The following MSH6 variants were observed in gnomAD, a reference collection of about 807,000 sequenced individuals.
MSH6 encodes the protein mutS homolog 6, also known as DNA mismatch repair protein Msh6.
A neutral mutation model predicts 119.1 loss-of-function variants in MSH6; 85 were observed. That is an observed-to-expected ratio of 0.71 (90% confidence interval 0.60 to 0.85). The LOEUF (loss-of-function observed/expected upper bound fraction) is 0.85, where lower values mean the gene tolerates loss of function less well. MSH6 is among the 40% of genes least tolerant of loss of function. The pLI, the probability that MSH6 is intolerant of heterozygous loss-of-function variation, is 0.00. For synonymous variants in MSH6, 830 were observed against 586.9 expected, an observed-to-expected ratio of 1.41 and a Z score of -5.99; for missense variants, 2,163 against 1,655.3, an observed-to-expected ratio of 1.31 and a Z score of -5.32.
At chr2:47,783,773 C>A in intron 1 of MSH6, 1 of 442,456 alleles carries the variant, frequency 2.3e-6, no homozygotes, top group African/African-American at 2.1e-5. Flanking sequence ...AGACGCGTCC[C>A]GCCAGGTGGG....
At chr2:47,805,134 G>A (rs1669895521) in intron 6 of MSH6, 107 bp downstream of exon 6, 5 of 812,432 alleles carry the variant, frequency 6.2e-6, no homozygotes, top group Non-Finnish European at 1.1e-5. Flanking sequence ...TGATTTTTCT[G>A]GTGTTACTTT....
At position 47,799,029 on chromosome 2, in the gene MSH6, A is replaced by G. The variant is rs869312797; in HGVS notation, c.1046A>G (p.Gln349Arg). 5 of 1,614,196 alleles carry G rather than the reference A, an allele frequency of 3.1e-6. No individual in the cohort carries two copies. The highest frequency in any genetic ancestry group is 4.2e-6 in the Non-Finnish European group (5 of 1,180,020). The change falls in exon 4 of 10, where the codon CAA becomes CGA. Residue 349 changes from glutamine to arginine, a missense_variant. Coordinates refer to ENST00000234420, the MANE Select transcript of MSH6 (RefSeq NM_000179.3). ...AFSAPQNSES[Q>R]AHVSGGGDDS... ...TCTGCCCCTCAAAATTCTGAATCCC[A>G]AGCCCACGTTAGTGGAGGTGGTGAT... is the stretch of plus-strand genomic sequence containing the variant.
At chr2:47,795,702 C>G (rs1669038484) in intron 2 of MSH6, among the ~76,000 whole-genome samples, 192 bp from the exon 3 acceptor site, 1 of 151,504 alleles carries the variant, frequency 6.6e-6, no homozygotes, top group South Asian at 2.1e-4. Context: ...AATTCCTGAC[C>G]TCAAGTAGTC....
chr2:47,791,326 G>A (rs1668719952), intron 2 of MSH6, among the ~76,000 whole-genome samples: 1 of 152,198 alleles, frequency 6.6e-6, no homozygotes, highest in African/African-American at 2.4e-5. Context: ...TTGTGGAATG[G>A]AATTTTTATT....
chr2:47,803,939 G>C (rs1447537944), intron 5 of MSH6, among the ~76,000 whole-genome samples: 3 of 152,172 alleles, frequency 2.0e-5, no homozygotes, highest in Non-Finnish European at 4.4e-5. Context: ...CCTTTGACTT[G>C]AATTCATTTC....
At chr2:47,803,994 G>T (rs910346960) in intron 5 of MSH6, among the ~76,000 whole-genome samples, 1 of 152,170 alleles carries the variant, frequency 6.6e-6, no homozygotes, top group Non-Finnish European at 1.5e-5. Context: ...TACAAAGGCT[G>T]TATGAAAAGA....
rs1057520324 is a variant in MSH6, at chr2:47,799,972, T to A, written c.1989T>A (p.Thr663=). The A allele has an allele frequency of 6.2e-7, 1 of 1,614,114 alleles. No individual in the cohort carries two copies. The highest frequency in any genetic ancestry group is 1.1e-5 in the South Asian group (1 of 91,072). The change falls in exon 4 of 10, where the codon ACT becomes ACA. Residue 663 remains threonine (T), a synonymous_variant. Coordinates refer to ENST00000234420, the MANE Select transcript of MSH6 (RefSeq NM_000179.3). ...VMLPQVLKGM[T]SESDSIGLTP... ...TACCCCAGGTGCTTAAAGGTATGAC[T>A]TCAGAGTCTGATTCCATTGGGTTGA...
intron 1 of MSH6, among the ~76,000 whole-genome samples, chr2:47,788,897 T>C (rs1027859876): frequency 1.0e-5 from 1 of 97,300 alleles, no homozygotes; most frequent in Non-Finnish European, 2.2e-5. Flanking sequence ...TCTTTCTTTC[T>C]TTCTTCTTCC....
chr2:47,792,775 C>T (rs1668818775), intron 2 of MSH6, among the ~76,000 whole-genome samples: 1 of 151,876 alleles, frequency 6.6e-6, no homozygotes, highest in South Asian at 2.1e-4. Context: ...CAAGTGATTC[C>T]CCCCTGTTTT....
rs755399402 is a variant in MSH6, at chr2:47,803,406, CT to C, written c.3173-13del. The C allele has an allele frequency of 3.7e-6, 6 of 1,614,130 alleles. No individual in the cohort carries two copies. On this transcript the variant is annotated splice_polypyrimidine_tract_variant and intron_variant, in intron 4 of 9. Transcript: ENST00000234420. ...CAAACGATGAAGCCTCACTTTTACC[CT>C]CTCTTTTAACAGATGTTTTACTGTG...
At chr2:47,807,890 T>TTCAAG (rs1398513353), downstream of MSH6, 2 of 433,530 alleles carry the variant, frequency 4.6e-6, no homozygotes, top group Non-Finnish European at 8.3e-6. Context: ...CTTCTGTCCC[T>TTCAAG]TCAAGTCTTT....
At chr2:47,808,652 G>A (rs778933427), downstream of MSH6, 6 of 439,160 alleles carry the variant, frequency 1.4e-5, no homozygotes, top group Non-Finnish European at 2.4e-5. Flanking sequence ...TTGTATAAAG[G>A]CAGTTCTTTC....
In MSH6 at chr2:47,801,113, T is replaced by C; in HGVS notation, c.3130T>C (p.Tyr1044His). ...RRLFYNFDKN[Y>H]KDWQSAVECI... ...ACTGTTCTATAACTTTGATAAAAATTACAAGGACTGGCAGTCTGCTGTAGA... is the reference window on the plus strand; with the variant it reads ...ACTGTTCTATAACTTTGATAAAAATCACAAGGACTGGCAGTCTGCTGTAGA... The change falls in exon 4 of 10, where the codon TAC becomes CAC. Residue 1044 changes from tyrosine (Y) to histidine (H), a missense_variant. By Grantham distance (83) the Tyr-to-His change is moderately conservative. Transcript: ENST00000234420. 1.2e-6 allele frequency: 2 copies of C among 1,612,444 alleles called. No individual in the cohort carries two copies. The highest frequency in any genetic ancestry group is 1.7e-6 in the Non-Finnish European group (2 of 1,179,834).
chr2:47,802,016 AAG>A (rs1572732453), intron 4 of MSH6, among the ~76,000 whole-genome samples: 1 of 152,242 alleles, frequency 6.6e-6, no homozygotes, highest in Non-Finnish European at 1.5e-5. Context: ...TATCAATAAA[AAG>A]TTGAGCTTTT....
At chr2:47,788,928 T>TTTTTG (rs1668548616) in intron 1 of MSH6, among the ~76,000 whole-genome samples, 1 of 84,230 alleles carries the variant, frequency 1.2e-5, no homozygotes, top group Non-Finnish European at 2.3e-5. Flanking sequence ...TTTTGTTTTT[T>TTTTTG]TTTTTTTTTT....
intron 1 of MSH6, among the ~76,000 whole-genome samples, chr2:47,789,143 C>T (rs1290347785): frequency 6.6e-6 from 1 of 151,210 alleles, no homozygotes; most frequent in South Asian, 2.1e-4. Flanking sequence ...CCAGGCTGGT[C>T]TTGAACTCCT....
In MSH6 at chr2:47,800,654, A is replaced by G. The variant is rs756933423; in HGVS notation, c.2671A>G (p.Ile891Val). ...TAAGTCTAAAATCCTTAAGCAGGTCATCTCTCTGCAGACAAAAAATCCTGA... is the reference window on the plus strand; with the variant it reads ...TAAGTCTAAAATCCTTAAGCAGGTCGTCTCTCTGCAGACAAAAAATCCTGA... ...GFKSKILKQV[I>V]SLQTKNPEGR... Residue 891 changes from isoleucine (I) to valine (V), a missense_variant, in exon 4 of 10, where the codon ATC becomes GTC. Transcript: ENST00000234420. The G allele has an allele frequency of 6.2e-7, 1 of 1,614,212 alleles. No homozygotes were observed. Among genetic ancestry groups the G allele is most frequent in the Admixed American group, 1.7e-5 (1 of 60,034 alleles).
rs1342218617 is a variant in MSH6, at chr2:47,783,397, C to T, written c.164C>T (p.Pro55Leu). ...GATGCGGCCTGGAGCGAGGCTGGGC[C>T]TGGGCCCAGGCCCTTGGCGCGCTCC... ...GGDAAWSEAG[P>L]GPRPLARSAS... Residue 55 changes from proline to leucine, a missense_variant, in exon 1 of 10, where the codon CCT becomes CTT. Coordinates refer to ENST00000234420, the MANE Select transcript of MSH6 (RefSeq NM_000179.3). 1.3e-6 allele frequency: 2 copies of T among 1,570,418 alleles called. No individual in the cohort carries two copies. Among genetic ancestry groups the T allele is most frequent in the East Asian group, 4.7e-5 (2 of 42,272 alleles).
At chr2:47,810,014 T>C (rs745692894), downstream of MSH6, 23 of 489,518 alleles carry the variant, frequency 4.7e-5, no homozygotes, top group Non-Finnish European at 7.6e-5. Context: ...AACTGGTAAA[T>C]TCATCTGAGG....
Sources: allele counts gnomAD v4.1 joint callset (sites outside exome capture counted in the v4.1 genomes callset), GRCh38; gene constraint gnomAD v4.1.1; transcripts MANE v1.5; gene names NCBI Gene and HGNC (gene_info 2026-07-23, HGNC 2026-07-21).